PGAP2: variants seen among roughly 807,000 people sequenced by gnomAD.
PGAP2 encodes the protein post-GPI attachment to proteins 2, also known as acyltransferase PGAP2.
Under a neutral mutation model 33.2 loss-of-function variants are expected in PGAP2, and 21 were observed. The ratio of observed to expected loss-of-function variants is 0.63; its 90% CI spans 0.45 to 0.91. The LOEUF is 0.91. Ranked by LOEUF, PGAP2 falls within the 40% of genes least tolerant of loss-of-function variation. The pLI, the probability that PGAP2 is intolerant of heterozygous loss-of-function variation, is 0.00. For missense variants in PGAP2, 345 were observed against 424.0 expected (o/e 0.81, Z 1.64); for synonymous variants, 161 against 172.9 (o/e 0.93, Z 0.54).
rs532715310 is a variant in PGAP2, at chr11:3,823,011, T to C, written c.349-872T>C. ...TACCCCAGGTTAGGAGCACCCACTTTCTTTTTTCTTTTCTTTTTTTTTTTT... is the reference window on the plus strand; with the variant it reads ...TACCCCAGGTTAGGAGCACCCACTTCCTTTTTTCTTTTCTTTTTTTTTTTT... On this transcript the variant is annotated intron_variant, in intron 3 of 6. Coordinates refer to ENST00000278243, the MANE Select transcript of PGAP2 (RefSeq NM_014489.4). 1.5e-4 allele frequency: 161 copies of C among 1,053,984 alleles called. 2 individuals are homozygous for C. In the South Asian group the frequency reaches 2.5e-3, roughly 16 times the overall value. The allele number at this position is 1,053,984 out of a possible 1,614,324, so 65.3% of individuals were successfully genotyped here.
At chr11:3,800,985 T>A (rs1188740300) in intron 1 of PGAP2, among the ~76,000 whole-genome samples, 1 of 150,418 alleles carries the variant, frequency 6.6e-6, no homozygotes, top group Non-Finnish European at 1.5e-5. Flanking sequence ...ATACAAAAAA[T>A]TAGCCGGGTG....
In PGAP2 at chr11:3,817,479, T is replaced by C. The variant is rs1411277873; in HGVS notation, c.292T>C (p.Cys98Arg). Reference protein sequence around the residue: ...ITFPVFGFFFCIIWSLVFHFE... With the variant: ...ITFPVFGFFFRIIWSLVFHFE... ...TTTTCCTGTGTTCGGCTTCTTCTTCTGCATCATCTGGTCCCTGGTGTTCCA... is the reference window on the plus strand; with the variant it reads ...TTTTCCTGTGTTCGGCTTCTTCTTCCGCATCATCTGGTCCCTGGTGTTCCA... Residue 98 changes from cysteine (C) to arginine (R), a missense_variant, in exon 3 of 7, where the codon TGC becomes CGC. Transcript: ENST00000278243. The C allele has an allele frequency of 5.6e-6, 9 of 1,614,192 alleles. No individual in the cohort carries two copies. In the South Asian group the frequency reaches 9.9e-5, roughly 18 times the overall value.
chr11:3,817,841 C>G, intron 3 of PGAP2: 1 of 531,824 alleles, frequency 1.9e-6, no homozygotes, highest in South Asian at 1.5e-5. Flanking sequence ...GAGTTCAGTT[C>G]GAGACCAGCC....
chr11:3,806,736 T>C (rs1412071833), upstream of PGAP2, among the ~76,000 whole-genome samples: 2 of 152,132 alleles, frequency 1.3e-5, no homozygotes, highest in Non-Finnish European at 2.9e-5. Flanking sequence ...GGATATTAAA[T>C]AGTATCTACT....
chr11:3,821,900 TAA>T (rs34183866), intron 3 of PGAP2, among the ~76,000 whole-genome samples: 7 of 139,180 alleles, frequency 5.0e-5, no homozygotes, highest in Admixed American at 7.2e-5. Flanking sequence ...CTGTTGCTAC[TAA>T]AAAAAAAAAA....
intron 1 of PGAP2, among the ~76,000 whole-genome samples, chr11:3,802,220 GAGGAATACTCCA>G (rs1397655577): frequency 9.2e-5 from 14 of 152,080 alleles, no homozygotes; most frequent in Non-Finnish European, 1.6e-4. Context: ...CGTACTGGAT[GAGGAATACTCCA>G]AGGAAGAATT....
At chr11:3,806,760 G>A (rs111472455), upstream of PGAP2, among the ~76,000 whole-genome samples, 738 of 152,190 alleles carry the variant, frequency 4.8e-3, 1 homozygote, top group African/African-American at 0.017. Flanking sequence ...GGAGGCTCAT[G>A]CCTGTAATCC....
Position 3,824,344 on chromosome 11 carries a change from C to A in PGAP2, c.676C>A (p.Arg226=), listed in dbSNP as rs144767060. ...CATGCTCCTCACCTGCATTCTCTGGCGGTTGACCAAGAAGCACACAGTAAG... is the reference window on the plus strand; with the variant it reads ...CATGCTCCTCACCTGCATTCTCTGGAGGTTGACCAAGAAGCACACAGTAAG... The part of the protein sequence containing the change: ...GHMLLTCILW[R]LTKKHTVSQE... Residue 226 remains arginine, a synonymous_variant, in exon 5 of 7, where the codon CGG becomes AGG. Coordinates refer to ENST00000278243, the MANE Select transcript of PGAP2 (RefSeq NM_014489.4). 8.7e-5 allele frequency: 141 copies of A among 1,614,070 alleles called. No individual in the cohort carries two copies. Among genetic ancestry groups the A allele is most frequent in the Non-Finnish European group, 1.2e-4 (138 of 1,179,992 alleles).
At chr11:3,803,869 C>A (rs1394938061), upstream of PGAP2, among the ~76,000 whole-genome samples, 1 of 151,870 alleles carries the variant, frequency 6.6e-6, no homozygotes, top group Non-Finnish European at 1.5e-5. Flanking sequence ...TGACTCACTG[C>A]AGCCTCTGCC....
chr11:3,807,496 C>CG (rs2084627403), upstream of PGAP2, among the ~76,000 whole-genome samples: 1 of 151,156 alleles, frequency 6.6e-6, no homozygotes, highest in East Asian at 2.0e-4. Context: ...TTAGTAGAGA[C>CG]GGGGTTTCGC....
At chr11:3,809,440 C>T (rs759683250) in intron 1 of PGAP2, among the ~76,000 whole-genome samples, 11 of 152,210 alleles carry the variant, frequency 7.2e-5, no homozygotes, top group Non-Finnish European at 1.3e-4. Context: ...AATGGGAGGC[C>T]AGGCATACCT....
In PGAP2 at chr11:3,811,130, C is replaced by T; in HGVS notation, c.-10-120C>T. ...GCTATCCAAGTTTAGGTGCCTTCCTCCTCAGACTCCCCACCCCACAGCACA... is the reference window on the plus strand; with the variant it reads ...GCTATCCAAGTTTAGGTGCCTTCCTTCTCAGACTCCCCACCCCACAGCACA... On this transcript the variant is annotated intron_variant, in intron 1 of 6. Coordinates refer to ENST00000278243, the MANE Select transcript of PGAP2 (RefSeq NM_014489.4). The surrounding 1 kb of genome is among the most constrained non-coding windows in gnomAD (Gnocchi z 4.6). The T allele has an allele frequency of 3.5e-6, 3 of 846,134 alleles. No individual in the cohort carries two copies. The highest frequency in any genetic ancestry group is 5.5e-6 in the Non-Finnish European group (3 of 548,342). The allele number at this position is 846,134 out of a possible 1,614,324, so 52.4% of individuals were successfully genotyped here.
intron 1 of PGAP2, among the ~76,000 whole-genome samples, chr11:3,801,161 A>G (rs766987808): frequency 6.6e-6 from 1 of 151,940 alleles, no homozygotes; most frequent in Non-Finnish European, 1.5e-5. Context: ...GAAAGGAAAG[A>G]AAAAGAAATT....
At chr11:3,804,828 A>G (rs528618224), upstream of PGAP2, among the ~76,000 whole-genome samples, 12 of 152,106 alleles carry the variant, frequency 7.9e-5, no homozygotes, top group African/African-American at 2.9e-4. Context: ...TAGCCTCCCA[A>G]GTAGCTGGGA....
chr11:3,800,676 G>T (rs1199736457), intron 1 of PGAP2, among the ~76,000 whole-genome samples: 1 of 151,948 alleles, frequency 6.6e-6, no homozygotes, highest in Non-Finnish European at 1.5e-5. Context: ...GCCGGGCGTG[G>T]TGGCACATAC....
intron 1 of PGAP2, among the ~76,000 whole-genome samples, chr11:3,810,855 G>T (rs913713674): frequency 1.3e-5 from 2 of 152,168 alleles, no homozygotes; most frequent in South Asian, 2.1e-4. Flanking sequence ...TCAAAGGCCT[G>T]GGGGAGGAGA....
chr11:3,814,818 CTT>C (rs1565013391), intron 2 of PGAP2, among the ~76,000 whole-genome samples: 42 of 128,084 alleles, frequency 3.3e-4, no homozygotes, highest in African/African-American at 1.1e-3. Context: ...CTTTCTCTTT[CTT>C]TCTTTTTTTC....
chr11:3,808,634 C>G lies in PGAP2; in HGVS notation c.-28C>G. The G allele has an allele frequency of 7.7e-7, 1 of 1,290,932 alleles. No individual in the cohort carries two copies. The highest frequency in any genetic ancestry group is 9.8e-7 in the Non-Finnish European group (1 of 1,015,332). 80.0% of individuals were successfully genotyped at this position (1,290,932 alleles called of 1,614,324 possible). A position where few individuals can be genotyped will look rare whatever the true frequency, so the allele number is the denominator to read the frequency against. On this transcript the variant is annotated 5_prime_UTR_variant, in exon 1 of 7. Coordinates refer to ENST00000278243, the MANE Select transcript of PGAP2 (RefSeq NM_014489.4). ...TGGGCCCCCGGGTTCCGCCGGCACT[C>G]TCGCCACCACCGCGTGGGTGAGTAT...
rs866618829 is a variant in PGAP2, at chr11:3,823,054, T to G, written c.349-829T>G. 1,526 of 564,990 alleles carry G rather than the reference T, an allele frequency of 2.7e-3. 28 individuals are homozygous for G. In the African/African-American group the frequency reaches 0.033, roughly 12 times the overall value. 35.0% of individuals were successfully genotyped at this position (564,990 alleles called of 1,614,324 possible). ...TTTTTTTTTTTTTTTTTTTTTTTTT[T>G]GAGACAGAGTCTCACTCTGTTGCCC... is the stretch of plus-strand genomic sequence containing the variant. On this transcript the variant is annotated intron_variant, in intron 3 of 6. Coordinates refer to ENST00000278243, the MANE Select transcript of PGAP2 (RefSeq NM_014489.4).
Sources: gnomAD v4.1 joint callset for allele counts (sites outside exome capture counted in the v4.1 genomes callset) on GRCh38, gnomAD v4.1.1 for gene constraint, Gnocchi (gnomAD v3.1) non-coding constraint, MANE v1.5 for transcripts, NCBI Gene and HGNC (gene_info 2026-07-23, HGNC 2026-07-21) for gene names.